SPOCK1: variants seen among roughly 807,000 people sequenced by gnomAD.
SPOCK1 encodes the protein SPARC (osteonectin), cwcv and kazal like domains proteoglycan 1, also known as testican-1.
In SPOCK1, 23 loss-of-function variants were observed where a neutral mutation model predicts 55.3. That is an observed-to-expected ratio of 0.42 (90% CI 0.30 to 0.59). The LOEUF (loss-of-function observed/expected upper bound fraction) is 0.59. Ranked by LOEUF, SPOCK1 falls within the 20% of genes least tolerant of loss-of-function variation. The pLI, the probability that SPOCK1 is intolerant of heterozygous loss-of-function variation, is 0.22. For synonymous variants in SPOCK1, 226 were observed against 221.0 expected, an observed-to-expected ratio of 1.02 and a Z score of -0.20; for missense variants, 499 against 552.5, an observed-to-expected ratio of 0.90 and a Z score of 0.97.
At chr5:137,318,665 T>C (rs1396379167) in intron 2 of SPOCK1, among the ~76,000 whole-genome samples, 1 of 152,228 alleles carries the variant, frequency 6.6e-6, no homozygotes, top group Non-Finnish European at 1.5e-5. Context: ...CTTTGATTAA[T>C]GGGAATTCAA....
chr5:137,283,651 G>A (rs1442248106), intron 2 of SPOCK1, among the ~76,000 whole-genome samples: 3 of 152,052 alleles, frequency 2.0e-5, no homozygotes, highest in African/African-American at 7.2e-5. Context: ...GGAGGTGGAG[G>A]TTGAAGTGAG....
intron 2 of SPOCK1, among the ~76,000 whole-genome samples, chr5:137,421,373 ATCTG>A (rs1752490421): frequency 6.6e-6 from 1 of 152,168 alleles, no homozygotes; most frequent in Non-Finnish European, 1.5e-5. Context: ...TGTCTCGTTG[ATCTG>A]TCTAATGTTG....
rs1448490235 is a variant in SPOCK1 at position 137,312,856 on chromosome 5, G to A, written c.187-45801C>T. Among the ~76,000 whole-genome samples, 3 of 152,202 alleles carry A rather than the reference G, an allele frequency of 2.0e-5. No homozygotes were observed. The East Asian group carries it at 5.8e-4, about 29-fold the overall frequency. ...GTCCACTTGCAGGAGATTCCTTTGT[G>A]TTAGGAGGACTTCTCTGAAGACTAA... On this transcript the variant is annotated intron_variant, in intron 2 of 10. Coordinates refer to ENST00000394945, the MANE Select transcript of SPOCK1 (RefSeq NM_004598.4).
chr5:137,190,416 T>C (rs1755157838), intron 3 of SPOCK1, among the ~76,000 whole-genome samples: 1 of 152,128 alleles, frequency 6.6e-6, no homozygotes, highest in African/African-American at 2.4e-5. Context: ...AAAAAGACAA[T>C]GACTCTCTGA....
intron 7 of SPOCK1, among the ~76,000 whole-genome samples, chr5:136,990,602 CT>C (rs1750931563): frequency 6.7e-6 from 1 of 150,176 alleles, no homozygotes; most frequent in Non-Finnish European, 1.5e-5. Context: ...GTGGCCCCTT[CT>C]TTGATCGAAT....
At chr5:137,394,964 A>G (rs552009369) in intron 2 of SPOCK1, among the ~76,000 whole-genome samples, 3 of 152,250 alleles carry the variant, frequency 2.0e-5, no homozygotes, top group Non-Finnish European at 4.4e-5. Flanking sequence ...ATTGGAGTCC[A>G]TAACTCAGCA....
intron 3 of SPOCK1, among the ~76,000 whole-genome samples, chr5:137,161,600 G>A (rs755031844): frequency 1.3e-5 from 2 of 151,988 alleles, no homozygotes; most frequent in Non-Finnish European, 2.9e-5. Context: ...ACAAAATTGT[G>A]AGCTCCTATT....
intron 3 of SPOCK1, among the ~76,000 whole-genome samples, chr5:137,263,166 G>C (rs1756781574): frequency 6.7e-6 from 1 of 150,094 alleles, no homozygotes; most frequent in African/African-American, 2.4e-5. Flanking sequence ...TGATAGGTGT[G>C]TAGTGGAAAA....
chr5:137,485,980 T>C (rs1380487382), intron 2 of SPOCK1, among the ~76,000 whole-genome samples: 1 of 152,110 alleles, frequency 6.6e-6, no homozygotes, highest in Non-Finnish European at 1.5e-5. Flanking sequence ...GCACCTTCGA[T>C]CTCTGTATGC....
intron 2 of SPOCK1, among the ~76,000 whole-genome samples, chr5:137,467,300 G>A (rs1753640488): frequency 6.6e-6 from 1 of 152,226 alleles, no homozygotes; most frequent in African/African-American, 2.4e-5. Flanking sequence ...GACTACACAA[G>A]GGCATGAATG....
chr5:137,025,768 A>G (rs1751663928), intron 6 of SPOCK1, among the ~76,000 whole-genome samples: 1 of 152,202 alleles, frequency 6.6e-6, no homozygotes, highest in African/African-American at 2.4e-5. Context: ...AAACTAGCAT[A>G]CCATTTTACA....
intron 7 of SPOCK1, among the ~76,000 whole-genome samples, chr5:136,990,208 C>G (rs1271717306): frequency 6.6e-6 from 1 of 152,102 alleles, no homozygotes; most frequent in East Asian, 1.9e-4. Context: ...CCGCCCTCGG[C>G]CCTGTACCCA....
At chr5:137,234,107 G>C (rs1019550966) in intron 3 of SPOCK1, among the ~76,000 whole-genome samples, 9 of 152,144 alleles carry the variant, frequency 5.9e-5, no homozygotes, top group Non-Finnish European at 4.4e-5. Context: ...GGTGTCTCTG[G>C]GTAGGGAAAA....
At chr5:137,289,722 A>T (rs918460829) in intron 2 of SPOCK1, among the ~76,000 whole-genome samples, 1 of 152,210 alleles carries the variant, frequency 6.6e-6, no homozygotes, top group African/African-American at 2.4e-5. Flanking sequence ...AAAAACACCA[A>T]AAAGAGAGTG....
chr5:137,146,688 C>T (rs916508497), intron 3 of SPOCK1, among the ~76,000 whole-genome samples: 1 of 152,206 alleles, frequency 6.6e-6, no homozygotes, highest in Non-Finnish European at 1.5e-5. Flanking sequence ...CAGCTGACGA[C>T]AGAGCCTCTC....
intron 2 of SPOCK1, among the ~76,000 whole-genome samples, chr5:137,304,638 C>G (rs1757671323): frequency 6.6e-6 from 1 of 152,128 alleles, no homozygotes; most frequent in Non-Finnish European, 1.5e-5. Flanking sequence ...GCAGCTTCCC[C>G]CCACTGGGTG....
At chr5:137,144,866 A>G (rs1224421551) in intron 3 of SPOCK1, among the ~76,000 whole-genome samples, 1 of 152,188 alleles carries the variant, frequency 6.6e-6, no homozygotes, top group Non-Finnish European at 1.5e-5. Flanking sequence ...TTTCCTTGTC[A>G]TGGTGCTATT....
intron 5 of SPOCK1, among the ~76,000 whole-genome samples, chr5:137,075,469 A>C (rs1286386886): frequency 1.3e-5 from 2 of 152,208 alleles, no homozygotes; most frequent in Admixed American, 6.5e-5. Flanking sequence ...AGGATTTGTT[A>C]AAGGGCCAAG....
intron 3 of SPOCK1, among the ~76,000 whole-genome samples, chr5:137,181,204 G>C (rs561122360): frequency 6.6e-6 from 1 of 152,340 alleles, no homozygotes; most frequent in South Asian, 2.1e-4. Flanking sequence ...GTAGCAATGA[G>C]AAGCAGCAGC....
Sources: allele counts gnomAD v4.1 joint callset (sites outside exome capture counted in the v4.1 genomes callset), GRCh38; gene constraint gnomAD v4.1.1; transcripts MANE v1.5; gene names NCBI Gene and HGNC (gene_info 2026-07-23, HGNC 2026-07-21).